Variants in CNTN4 observed in about 807,000 individuals in gnomAD.
CNTN4 encodes contactin 4, also known as contactin-4.
In CNTN4, 77 loss-of-function variants were observed where a neutral mutation model predicts 122.5. The observed-to-expected ratio is 0.63, with a 90% CI of 0.52 to 0.76. CNTN4 has a LOEUF of 0.76. CNTN4 is among the 30% of genes least tolerant of loss of function. CNTN4 has a pLI of 0.00. For synonymous variants in CNTN4, 512 were observed against 447.0 expected (o/e 1.15, Z -1.83); for missense variants, 1,256 against 1,259.1 (o/e 1.00, Z 0.04).
chr3:2,241,904 G>C (rs2039956240), intron 2 of CNTN4, among the ~76,000 whole-genome samples: 1 of 150,672 alleles, frequency 6.6e-6, no homozygotes, highest in Non-Finnish European at 1.5e-5. Context: ...CTTTTCAAAG[G>C]ATCTCACTTA....
chr3:2,260,958 T>C (rs2040811708), intron 2 of CNTN4, among the ~76,000 whole-genome samples: 1 of 152,062 alleles, frequency 6.6e-6, no homozygotes, highest in Non-Finnish European at 1.5e-5. Flanking sequence ...CTCAAAGTCC[T>C]TGCCTCAAGT....
At chr3:2,513,312 C>G (rs1462874916) in intron 3 of CNTN4, among the ~76,000 whole-genome samples, 1 of 152,090 alleles carries the variant, frequency 6.6e-6, no homozygotes, top group African/African-American at 2.4e-5. Context: ...TTTTAAATAA[C>G]TGTTAGTGTT....
At chr3:2,361,553 C>T (rs1429193913) in intron 3 of CNTN4, among the ~76,000 whole-genome samples, 1 of 152,176 alleles carries the variant, frequency 6.6e-6, no homozygotes, top group East Asian at 1.9e-4. Context: ...GCATTGTTAG[C>T]TCATACATTC....
intron 2 of CNTN4, among the ~76,000 whole-genome samples, chr3:2,106,058 C>CT (rs1478700662): frequency 6.6e-6 from 1 of 152,206 alleles, no homozygotes; most frequent in African/African-American, 2.4e-5. Flanking sequence ...TTCTTTAACT[C>CT]TATGTCTCAA....
chr3:2,915,747 C>G (rs55990016), intron 12 of CNTN4, among the ~76,000 whole-genome samples: 58,421 of 152,038 alleles, frequency 0.38, 11,421 homozygotes, highest in East Asian at 0.64. Flanking sequence ...GAGATTTGCA[C>G]ACCTATATTA....
intron 3 of CNTN4, among the ~76,000 whole-genome samples, chr3:2,482,895 C>A (rs1193540944): frequency 6.6e-6 from 1 of 152,166 alleles, no homozygotes; most frequent in East Asian, 1.9e-4. Context: ...CATGGAGAAC[C>A]TTTGCTAGGG....
chr3:2,423,806 G>C (rs1252591112), intron 3 of CNTN4, among the ~76,000 whole-genome samples: 1 of 151,778 alleles, frequency 6.6e-6, no homozygotes, highest in Non-Finnish European at 1.5e-5. Flanking sequence ...CATAAATTCT[G>C]TCAAGTACTG....
chr3:2,966,103 T>C (rs995031006), intron 13 of CNTN4, among the ~76,000 whole-genome samples: 3 of 152,092 alleles, frequency 2.0e-5, no homozygotes, highest in African/African-American at 7.2e-5. Context: ...TGAGCACTAC[T>C]AGCCATTGAA....
Position 3,040,149 on chromosome 3 carries a change from G to C in CNTN4, c.2276G>C (p.Arg759Thr). ...GTGCTGGCCTCAGCTGATGCCTCTA[G>C]ATACGTGTTCAGGAATGAGAGCGTG... ...LTVLASADAS[R>T]YVFRNESVHP... The change falls in exon 20 of 25, where the codon AGA (arginine) becomes ACA (threonine). Residue 759 changes from arginine (R) to threonine (T), a missense_variant. Coordinates refer to ENST00000418658, the MANE Select transcript of CNTN4 (RefSeq NM_175607.3). The C allele has an allele frequency of 6.2e-7, 1 of 1,614,150 alleles. No individual in the cohort carries two copies. The highest frequency in any genetic ancestry group is 8.5e-7 in the Non-Finnish European group (1 of 1,179,984).
chr3:2,857,325 T>A (rs1204452838), intron 7 of CNTN4, among the ~76,000 whole-genome samples: 1 of 152,230 alleles, frequency 6.6e-6, no homozygotes, highest in African/African-American at 2.4e-5. Flanking sequence ...TACTTGGCTG[T>A]CAAAGGGTAT....
chr3:2,506,404 A>G (rs915583679), intron 3 of CNTN4, among the ~76,000 whole-genome samples: 5 of 152,238 alleles, frequency 3.3e-5, no homozygotes, highest in African/African-American at 7.2e-5. Flanking sequence ...GAACTGCACT[A>G]AAGTTTTTCT....
chr3:2,448,579 C>T (rs2048711071), intron 3 of CNTN4, among the ~76,000 whole-genome samples: 1 of 152,166 alleles, frequency 6.6e-6, no homozygotes. Context: ...TAGTACTCTG[C>T]CAAGGCTTTT....
At chr3:2,803,646 G>A (rs1013890083) in intron 6 of CNTN4, among the ~76,000 whole-genome samples, 1 of 150,590 alleles carries the variant, frequency 6.6e-6, no homozygotes. Flanking sequence ...TGCAACATCC[G>A]CCTCCTGGGT....
chr3:2,388,219 A>C (rs556675315), intron 3 of CNTN4, among the ~76,000 whole-genome samples: 1 of 152,308 alleles, frequency 6.6e-6, no homozygotes, highest in Non-Finnish European at 1.5e-5. Flanking sequence ...TTGCTAAAAA[A>C]TTTTCAGTTA....
At chr3:2,418,873 T>A (rs1289124487) in intron 3 of CNTN4, among the ~76,000 whole-genome samples, 1 of 152,170 alleles carries the variant, frequency 6.6e-6, no homozygotes, top group African/African-American at 2.4e-5. Flanking sequence ...TGTTTGTATT[T>A]TTATTGTGTT....
chr3:2,866,791 A>G lies in CNTN4; in HGVS notation c.494A>G (p.Tyr165Cys). ...YAWIFNEYPSYQDNRRFVSQE... is the reference protein window; with the variant it reads ...YAWIFNEYPSCQDNRRFVSQE... ...TGGATCTTCAATGAATACCCTTCCT[A>G]TCAGGATAATCGCCGCTTTGTTTCT... The change falls in exon 8 of 25, where the codon TAT becomes TGT. Residue 165 changes from tyrosine (Y) to cysteine (C), a missense_variant. Transcript: ENST00000418658. 1 of 1,613,992 alleles carries G rather than the reference A, an allele frequency of 6.2e-7. No homozygotes were observed. The highest frequency in any genetic ancestry group is 8.5e-7 in the Non-Finnish European group (1 of 1,179,906).
chr3:2,415,224 C>T (rs1328368495), intron 3 of CNTN4, among the ~76,000 whole-genome samples: 2 of 152,244 alleles, frequency 1.3e-5, no homozygotes, highest in East Asian at 3.9e-4. Context: ...TGTGGCTCCT[C>T]GCTTTAGCCT....
At chr3:2,321,086 T>G (rs964525201) in intron 2 of CNTN4, among the ~76,000 whole-genome samples, 5 of 152,128 alleles carry the variant, frequency 3.3e-5, no homozygotes, top group Non-Finnish European at 7.4e-5. Context: ...AGCAGATAAT[T>G]TGGGCTCTGT....
chr3:2,193,024 T>C (rs1053843757), intron 2 of CNTN4, among the ~76,000 whole-genome samples: 2 of 152,132 alleles, frequency 1.3e-5, no homozygotes, highest in Non-Finnish European at 2.9e-5. Flanking sequence ...TCCTTATTTC[T>C]CTCTTAGTGT....
Sources: allele counts gnomAD v4.1 joint callset (sites outside exome capture counted in the v4.1 genomes callset), GRCh38; gene constraint gnomAD v4.1.1; transcripts MANE v1.5; gene names NCBI Gene and HGNC (gene_info 2026-07-23, HGNC 2026-07-21).